The following CLVS1 variants were observed in gnomAD, a reference collection of about 807,000 sequenced individuals.
CLVS1 encodes the protein clavesin 1.
Under a neutral mutation model 33.1 loss-of-function variants are expected in CLVS1, and 10 were observed. The ratio of observed to expected loss-of-function variants is 0.30; its 90% confidence interval spans 0.19 to 0.51. The LOEUF is 0.51. Among genes scored for constraint, CLVS1 ranks in the 20% least tolerant of loss-of-function variants. The probability of loss-of-function intolerance (pLI) is 0.97; values close to 1 mark genes in which losing one functional copy is unlikely to be tolerated. For missense variants in CLVS1, 343 were observed against 433.4 expected (o/e 0.79, Z 1.85); for synonymous variants, 163 against 166.1 (o/e 0.98, Z 0.14).
rs140932096 is a variant in CLVS1 at position 61,088,194 on chromosome 8, T to C, written c.-243+30964T>C. Among the ~76,000 whole-genome samples the C allele has an allele frequency of 9.3e-4, 142 of 152,324 alleles. 1 individual carries two copies. Among genetic ancestry groups the C allele is most frequent in the African/African-American group, 3.3e-3 (139 of 41,566 alleles). On this transcript the variant is annotated intron_variant, in intron 1 of 2. Coordinates refer to the CLVS1 transcript ENST00000522621. ...ATAGTGCCCCACTGTGTGAATAATG[T>C]AGCAATGTAATTGGCCGGGCACGAT...
At chr8:61,260,104 T>C (rs547160590) in intron 2 of CLVS1, among the ~76,000 whole-genome samples, 1 of 152,272 alleles carries the variant, frequency 6.6e-6, no homozygotes, top group Non-Finnish European at 1.5e-5. Flanking sequence ...CCCTCCGTCA[T>C]GTAACGTAGG....
intron 2 of CLVS1, among the ~76,000 whole-genome samples, chr8:61,266,161 C>T (rs11781792): frequency 1.3e-5 from 2 of 152,054 alleles, no homozygotes. Flanking sequence ...AATCCCTTTA[C>T]CCTTTGTGTC....
chr8:61,186,729 T>TA (rs1313208628), intron 2 of CLVS1, among the ~76,000 whole-genome samples: 2 of 152,184 alleles, frequency 1.3e-5, no homozygotes. Flanking sequence ...TGAAAATAGT[T>TA]ACAACAGATG....
At chr8:61,429,462 AG>A (rs1816030100) in intron 3 of CLVS1, among the ~76,000 whole-genome samples, 1 of 150,032 alleles carries the variant, frequency 6.7e-6, no homozygotes, top group African/African-American at 2.5e-5. Flanking sequence ...GAGAAAGGAA[AG>A]GGTTAAAATT....
chr8:61,269,573 T>C (rs1225961778), intron 2 of CLVS1, among the ~76,000 whole-genome samples: 1 of 151,724 alleles, frequency 6.6e-6, no homozygotes, highest in Non-Finnish European at 1.5e-5. Context: ...GGTAGCTTGA[T>C]GGGGATGGCA....
intron 1 of CLVS1, among the ~76,000 whole-genome samples, chr8:61,111,235 T>A (rs1375744806): frequency 6.6e-6 from 1 of 152,186 alleles, no homozygotes; most frequent in Non-Finnish European, 1.5e-5. Context: ...GTGCAAAATA[T>A]TAGAAAATTC....
chr8:61,197,821 A>G (rs1404491792), intron 2 of CLVS1, among the ~76,000 whole-genome samples: 1 of 152,100 alleles, frequency 6.6e-6, no homozygotes, highest in Admixed American at 6.5e-5. Flanking sequence ...TTTCATTCAT[A>G]CCCAGTATGG....
At chr8:61,194,861 G>A (rs1253876788) in intron 2 of CLVS1, among the ~76,000 whole-genome samples, 1 of 151,706 alleles carries the variant, frequency 6.6e-6, no homozygotes, top group African/African-American at 2.4e-5. Flanking sequence ...ACTGTATTAA[G>A]TATATTAAGT....
At chr8:61,262,156 G>A (rs527996530) in intron 2 of CLVS1, among the ~76,000 whole-genome samples, 42 of 152,130 alleles carry the variant, frequency 2.8e-4, no homozygotes, top group African/African-American at 9.9e-4. Flanking sequence ...GGACAGTACA[G>A]GCACATGGCC....
chr8:61,227,069 T>C (rs1171182290), intron 2 of CLVS1, among the ~76,000 whole-genome samples: 1 of 150,704 alleles, frequency 6.6e-6, no homozygotes, highest in Non-Finnish European at 1.5e-5. Flanking sequence ...TTCTAACTGA[T>C]AATAAGATCC....
the CLVS1 span, among the ~76,000 whole-genome samples, chr8:61,011,710 G>A: frequency 6.6e-6 from 1 of 152,150 alleles, no homozygotes; most frequent in African/African-American, 2.4e-5. Flanking sequence ...GAGTCCCAAA[G>A]TGCTGGGATT....
chr8:61,096,362 A>C (rs1195401142), intron 1 of CLVS1, among the ~76,000 whole-genome samples: 1 of 152,220 alleles, frequency 6.6e-6, no homozygotes, highest in East Asian at 1.9e-4. Flanking sequence ...TGGAACTCAT[A>C]TTTTACTGCT....
chr8:61,480,587 GTC>G, intron 5 of CLVS1, among the ~76,000 whole-genome samples: 1 of 152,006 alleles, frequency 6.6e-6, no homozygotes, highest in Non-Finnish European at 1.5e-5. Context: ...TGCACCCACT[GTC>G]CTGCACCCAC....
At chr8:61,395,406 C>A (rs192771139) in intron 3 of CLVS1, among the ~76,000 whole-genome samples, 1 of 152,232 alleles carries the variant, frequency 6.6e-6, no homozygotes, top group Non-Finnish European at 1.5e-5. Flanking sequence ...ATGGTGAACA[C>A]AGTTAATAAT....
chr8:61,239,663 G>A (rs1282002484), intron 2 of CLVS1, among the ~76,000 whole-genome samples: 4 of 152,124 alleles, frequency 2.6e-5, no homozygotes, highest in Non-Finnish European at 5.9e-5. Flanking sequence ...CTGAGGCTGA[G>A]AGGTCGAGGC....
chr8:61,361,584 G>A (rs1418792115), intron 2 of CLVS1, among the ~76,000 whole-genome samples: 1 of 152,088 alleles, frequency 6.6e-6, no homozygotes. Flanking sequence ...CTTCCCCATA[G>A]CCCATCTCTG....
At position 61,467,286 on chromosome 8, in the gene CLVS1, A is replaced by T. The variant is rs375173475; in HGVS notation, c.977+8744A>T. On this transcript the variant is annotated intron_variant, in intron 5 of 5. Coordinates refer to ENST00000325897, the MANE Select transcript of CLVS1 (RefSeq NM_173519.3). ...GATAAGTGATGGCGGGTGCCCTTGC[A>T]GCAGGTTAGATATCACAATTGTTCT... is the stretch of plus-strand genomic sequence containing the variant. Among the ~76,000 whole-genome samples the T allele has an allele frequency of 1.1e-4, 17 of 152,330 alleles. 1 individual carries two copies. In the East Asian group the frequency reaches 2.1e-3, roughly 19 times the overall value.
chr8:61,386,257 C>A (rs1038335379), intron 3 of CLVS1, among the ~76,000 whole-genome samples: 2 of 152,130 alleles, frequency 1.3e-5, no homozygotes, highest in South Asian at 4.1e-4. Flanking sequence ...TAAGAATTTG[C>A]ATTTTCAACA....
chr8:61,451,705 G>C (rs1816962959), intron 3 of CLVS1, among the ~76,000 whole-genome samples: 1 of 152,048 alleles, frequency 6.6e-6, no homozygotes, highest in Non-Finnish European at 1.5e-5. Flanking sequence ...GTTGGCGGAT[G>C]TGATCAGGCA....
Sources: allele counts gnomAD v4.1 joint callset (sites outside exome capture counted in the v4.1 genomes callset), GRCh38; gene constraint gnomAD v4.1.1; transcripts MANE v1.5; gene names NCBI Gene and HGNC (gene_info 2026-07-23, HGNC 2026-07-21).